The following HDAC2 variants were observed in gnomAD, a reference collection of about 807,000 sequenced individuals.
HDAC2 encodes YY1-associated factor 1.
HDAC2 carries 5 observed loss-of-function variants against 68.5 expected under a neutral mutation model. That is an observed-to-expected ratio of 0.07 (90% CI 0.04 to 0.15). HDAC2 has a LOEUF of 0.15. Among genes scored for constraint, HDAC2 ranks in the 10% least tolerant of loss-of-function variants. The pLI, the probability that HDAC2 is intolerant of heterozygous loss-of-function variation, is 1.00. For missense variants in HDAC2, 291 were observed against 600.8 expected (o/e 0.48, Z 5.39); for synonymous variants, 182 against 191.3 (o/e 0.95, Z 0.40).
In HDAC2 at chr6:113,934,380, T is replaced by C. The variant is rs1582469729; in HGVS notation, c.*6678A>G. The C allele has an allele frequency of 2.0e-5, 3 of 152,300 alleles. No individual in the cohort carries two copies. The highest frequency in any genetic ancestry group is 3.9e-4 in the East Asian group (2 of 5,184). 9.4% of individuals were successfully genotyped at this position (152,300 alleles called of 1,614,324 possible). On this transcript the variant is annotated 3_prime_UTR_variant, in exon 14 of 14. Transcript: ENST00000519065. Reference sequence around the variant, plus strand: ...TTTAGTAAACTGAAGCACAGAAATTTAAATGACTTGCCCAAAGCAAAGTTG... The same window carrying C: ...TTTAGTAAACTGAAGCACAGAAATTCAAATGACTTGCCCAAAGCAAAGTTG...
intron 6 of HDAC2, among the ~76,000 whole-genome samples, chr6:113,951,882 A>G (rs1189929257): frequency 1.3e-5 from 2 of 152,224 alleles, no homozygotes; most frequent in African/African-American, 2.4e-5. Flanking sequence ...ATTTTGAATA[A>G]TAACTGAGAT....
intron 1 of HDAC2, among the ~76,000 whole-genome samples, chr6:113,965,346 T>A (rs1464526634): frequency 2.6e-5 from 4 of 151,656 alleles, no homozygotes; most frequent in African/African-American, 9.7e-5. Context: ...CTATCAAAGG[T>A]CCCCTCTCTT....
intron 3 of HDAC2, among the ~76,000 whole-genome samples, chr6:113,957,485 C>CTTTT (rs200098767): frequency 6.9e-6 from 1 of 145,750 alleles, no homozygotes; most frequent in African/African-American, 2.5e-5. Context: ...AGATCATAAT[C>CTTTT]TTTTTTTTTT....
rs1378331131 is a variant in HDAC2 at position 113,949,100 on chromosome 6, T to C, written c.733-13A>G. ...CCTTTGAGATAATCTACACACAAGA[T>C]AACAAATGTTAGCATCTCCAATAAC... On this transcript the variant is annotated splice_polypyrimidine_tract_variant and intron_variant, in intron 7 of 13. Coordinates refer to ENST00000519065, the MANE Select transcript of HDAC2 (RefSeq NM_001527.4). The C allele has an allele frequency of 1.2e-6, 2 of 1,612,208 alleles. No homozygotes were observed. Among genetic ancestry groups the C allele is most frequent in the Admixed American group, 1.7e-5 (1 of 59,988 alleles).
In HDAC2 at chr6:113,941,074, T is replaced by C; in HGVS notation, c.1451A>G (p.Gln484Arg). 1 of 1,609,592 alleles carries C rather than the reference T, an allele frequency of 6.2e-7. No homozygotes were observed. Among genetic ancestry groups the C allele is most frequent in the East Asian group, 2.2e-5 (1 of 44,758 alleles). Residue 484 changes from glutamine to arginine, a missense_variant, in exon 14 of 14, where the codon CAG (glutamine) becomes CGG (arginine). By Grantham distance (43) the Gln-to-Arg change is conservative. Transcript: ENST00000519065. The stretch of plus-strand genomic sequence containing the variant: ...CTGTCAAATTCAGGGGTTGCTGAGC[T>C]GTTCTGATTTGGTTCTGTTAAAAGA... ...KTDTKGTKSE[Q>R]LSNP is the part of the protein sequence containing the mutation.
intron 6 of HDAC2, among the ~76,000 whole-genome samples, chr6:113,949,763 C>T (rs957454019): frequency 6.6e-6 from 1 of 152,056 alleles, no homozygotes; most frequent in African/African-American, 2.4e-5. Flanking sequence ...TTAACAGCTA[C>T]CGACTAAAGC....
rs775430629 is a variant in HDAC2, at chr6:113,949,058, T to C, written c.762A>G (p.Gln254=). Residue 254 remains glutamine, a synonymous_variant, in exon 8 of 14, where the codon CAA becomes CAG. Coordinates refer to ENST00000519065, the MANE Select transcript of HDAC2 (RefSeq NM_001527.4). The part of the protein sequence containing the change: ...PIISKVMEMY[Q]PSAVVLQCGA... ...CACACTGTAATACCACAGCACTAGG[T>C]TGATACATCTCCATCACCTTTGAGA... The C allele has an allele frequency of 2.1e-5, 34 of 1,613,890 alleles. 1 individual carries two copies. The African/African-American group carries it at 2.1e-4, about 10-fold the overall frequency.
chr6:113,942,243 G>A (rs1022270203), intron 12 of HDAC2, among the ~76,000 whole-genome samples: 6 of 151,974 alleles, frequency 3.9e-5, no homozygotes, highest in Admixed American at 3.3e-4. Flanking sequence ...AAGTTAAGTC[G>A]TCCTTAATTC....
Position 113,936,474 on chromosome 6 carries a change from G to A in HDAC2, c.*4584C>T, listed in dbSNP as rs1296878842. ...GATTATCCTTGAGTAAATTACAGAG[G>A]CATCAAGATCCCCCCAAAGTTGTCA... is the stretch of plus-strand genomic sequence containing the variant. On this transcript the variant is annotated 3_prime_UTR_variant, in exon 14 of 14. Coordinates refer to ENST00000519065, the MANE Select transcript of HDAC2 (RefSeq NM_001527.4). 6.6e-6 allele frequency: 1 copy of A among 152,018 alleles called. No individual in the cohort carries two copies. Among genetic ancestry groups the A allele is most frequent in the East Asian group, 1.9e-4 (1 of 5,186 alleles). 9.4% of individuals were successfully genotyped at this position (152,018 alleles called of 1,614,324 possible).
At chr6:113,950,838 A>G (rs959935386) in intron 6 of HDAC2, among the ~76,000 whole-genome samples, 9 of 152,208 alleles carry the variant, frequency 5.9e-5, no homozygotes. Flanking sequence ...ATTTTACAAA[A>G]GCAAAATTTA....
At position 113,957,544 on chromosome 6, in the gene HDAC2, T is replaced by C. The variant is rs371572738; in HGVS notation, c.284-851A>G. Among the ~76,000 whole-genome samples the C allele has an allele frequency of 5.3e-5, 8 of 151,910 alleles. No homozygotes were observed. In the East Asian group the frequency reaches 7.7e-4, roughly 15 times the overall value. On this transcript the variant is annotated intron_variant, in intron 3 of 13. Coordinates refer to ENST00000519065, the MANE Select transcript of HDAC2 (RefSeq NM_001527.4). ...TCGCCCAGGCTGGAGTGCAATGGCG[T>C]GAGCTTGGCTCACTGCAACCTCCAC...
In HDAC2 at chr6:113,963,179, G is replaced by C. The variant is rs184721524; in HGVS notation, c.53-3161C>G. Among the ~76,000 whole-genome samples, 329 of 151,498 alleles carry C rather than the reference G, an allele frequency of 2.2e-3. 2 individuals carry two copies. Among genetic ancestry groups the C allele is most frequent in the African/African-American group, 7.7e-3 (320 of 41,378 alleles). On this transcript the variant is annotated intron_variant, in intron 1 of 13. Transcript: ENST00000519065. Reference sequence around the variant, plus strand: ...GCTCACTGCAACCTCCACCTCTGGGGTTCAAGCAATTCTCCTGCCTCAGCC... The same window carrying C: ...GCTCACTGCAACCTCCACCTCTGGGCTTCAAGCAATTCTCCTGCCTCAGCC...
rs1161785080 is a variant in HDAC2 at position 113,940,053 on chromosome 6, G to A, written c.*1005C>T. The A allele has an allele frequency of 2.6e-5, 4 of 152,164 alleles. No individual in the cohort carries two copies. Among genetic ancestry groups the A allele is most frequent in the African/African-American group, 9.7e-5 (4 of 41,440 alleles). 9.4% of individuals were successfully genotyped at this position (152,164 alleles called of 1,614,324 possible). A position where few individuals can be genotyped will look rare whatever the true frequency, so the allele number is the denominator to read the frequency against. ...TTTGTCTTCTTTGCACATCTTAGTA[G>A]CAGGAGTTACCCCCATTTGTCTGCT... On this transcript the variant is annotated 3_prime_UTR_variant, in exon 14 of 14. Transcript: ENST00000519065.
Position 113,944,356 on chromosome 6 carries a change from C to T in HDAC2, c.1146G>A (p.Met382Ile), listed in dbSNP as rs777795421. The change falls in exon 11 of 14, where the codon ATG becomes ATA. Residue 382 changes from methionine to isoleucine, a missense_variant. Physicochemically the swap from Met to Ile is conservative, Grantham distance 10 (BLOSUM62 1). Transcript: ENST00000519065. ...RMLPHAPGVQ[M>I]QAIPEDAVHE... ...GAACAGCATCTTCTGGAATAGCTTG[C>T]ATCTGGACACCAGGTGCATGAGGTA... 2 of 1,612,886 alleles carry T rather than the reference C, an allele frequency of 1.2e-6. No homozygotes were observed. Among genetic ancestry groups the T allele is most frequent in the South Asian group, 1.1e-5 (1 of 91,052 alleles).
At position 113,934,449 on chromosome 6, in the gene HDAC2, G is replaced by A. The variant is rs1458355139; in HGVS notation, c.*6609C>T. On this transcript the variant is annotated 3_prime_UTR_variant, in exon 14 of 14. Coordinates refer to ENST00000519065, the MANE Select transcript of HDAC2 (RefSeq NM_001527.4). Reference sequence around the variant, plus strand: ...GCTAGACCCATATATGTGATTTCCAGTGCATTGTTCTTTACTTGTTGCTGC... The same window carrying A: ...GCTAGACCCATATATGTGATTTCCAATGCATTGTTCTTTACTTGTTGCTGC... 1 of 152,228 alleles carries A rather than the reference G, an allele frequency of 6.6e-6. No individual in the cohort carries two copies. Among genetic ancestry groups the A allele is most frequent in the Non-Finnish European group, 1.5e-5 (1 of 68,048 alleles). 9.4% of individuals were successfully genotyped at this position (152,228 alleles called of 1,614,324 possible). A position where few individuals can be genotyped will look rare whatever the true frequency, so the allele number is the denominator to read the frequency against.
At chr6:113,947,390 A>C (rs1776288607) in intron 8 of HDAC2, 1 of 152,196 alleles carries the variant, frequency 6.6e-6, no homozygotes, top group Non-Finnish European at 1.5e-5. Context: ...GATCTGAAAA[A>C]GCTGAATCAA....
At chr6:113,968,208 C>G (rs950581487) in intron 1 of HDAC2, 1 of 152,140 alleles carries the variant, frequency 6.6e-6, no homozygotes, top group Non-Finnish European at 1.5e-5. Context: ...TTCTTTTTCA[C>G]TCACTTTCTT....
chr6:113,955,786 C>T (rs1776538733), intron 5 of HDAC2: 2 of 405,314 alleles, frequency 4.9e-6, no homozygotes, highest in South Asian at 1.2e-4. Flanking sequence ...GGAGGGATTA[C>T]AGGCCTGGGC....
Position 113,944,990 on chromosome 6 carries a change from G to C in HDAC2, c.1091+372C>G, listed in dbSNP as rs533478137. Among the ~76,000 whole-genome samples, 207 of 152,078 alleles carry C rather than the reference G, an allele frequency of 1.4e-3. 6 individuals carry two copies. In the South Asian group the frequency reaches 0.041, roughly 30 times the overall value. ...TTCCAGACAATGAAAATAACTTATA[G>C]TGCACCTTGCAATTTTAAAATACAT... On this transcript the variant is annotated intron_variant, in intron 10 of 13. Transcript: ENST00000519065.
Sources: gnomAD v4.1 joint callset for allele counts (sites outside exome capture counted in the v4.1 genomes callset) on GRCh38, gnomAD v4.1.1 for gene constraint, MANE v1.5 for transcripts, NCBI Gene and HGNC (gene_info 2026-07-23, HGNC 2026-07-21) for gene names.